The following DNAAF9 variants were observed in gnomAD, a reference collection of about 807,000 sequenced individuals.
The protein encoded by DNAAF9 is shulin.
A neutral mutation model predicts 167.0 loss-of-function variants in DNAAF9; 90 were observed. That is an observed-to-expected ratio of 0.54 (90% CI 0.45 to 0.64). DNAAF9 has a LOEUF of 0.64. Among genes scored for constraint, DNAAF9 ranks in the 30% least tolerant of loss-of-function variants. The pLI is 0.00. For missense variants in DNAAF9, 1,315 were observed against 1,442.2 expected, an observed-to-expected ratio of 0.91 and a Z score of 1.43; for synonymous variants, 491 against 508.8, an observed-to-expected ratio of 0.96 and a Z score of 0.47.
At chr20:3,312,472 G>A (rs779197668) in intron 20 of DNAAF9, among the ~76,000 whole-genome samples, 6 of 151,940 alleles carry the variant, frequency 3.9e-5, no homozygotes, top group African/African-American at 9.7e-5. Context: ...AACATCAGGC[G>A]AGTTTTCACC....
chr20:3,288,365 G>A (rs982393963), intron 26 of DNAAF9, among the ~76,000 whole-genome samples: 1 of 152,188 alleles, frequency 6.6e-6, no homozygotes, highest in Non-Finnish European at 1.5e-5. Flanking sequence ...CAGGAGAATC[G>A]CTTGACCCCG....
In DNAAF9 at chr20:3,369,973, T is replaced by TA. The variant is rs11289716; in HGVS notation, c.612+4074dup. 3.1e-3 allele frequency among the ~76,000 whole-genome samples: 460 copies of TA among 150,076 alleles called. 1 individual carries two copies. Among genetic ancestry groups the TA allele is most frequent in the African/African-American group, 9.5e-3 (390 of 41,062 alleles). On this transcript the variant is annotated intron_variant, in intron 6 of 36. Coordinates refer to ENST00000252032, the MANE Select transcript of DNAAF9 (RefSeq NM_001009984.3). The stretch of plus-strand genomic sequence containing the variant: ...GGGTCTTAATGAACTGGTCTTCTTT[T>TA]AAAAAAAAAAATTGATCTTTTTCTT...
chr20:3,276,882 A>C (rs1446513092), intron 29 of DNAAF9, among the ~76,000 whole-genome samples: 1 of 152,092 alleles, frequency 6.6e-6, no homozygotes, highest in Non-Finnish European at 1.5e-5. Context: ...CCTCAACTTC[A>C]CCTGCTTCCA....
At chr20:3,361,453 C>T (rs2083363628) in intron 6 of DNAAF9, among the ~76,000 whole-genome samples, 1 of 152,130 alleles carries the variant, frequency 6.6e-6, no homozygotes, top group Admixed American at 6.5e-5. Context: ...CTAACAAGCC[C>T]CCCAGGCTAG....
chr20:3,353,885 C>G (rs963370644), intron 7 of DNAAF9, among the ~76,000 whole-genome samples: 3 of 152,066 alleles, frequency 2.0e-5, no homozygotes, highest in African/African-American at 7.2e-5. Flanking sequence ...ACCCAAAAAA[C>G]CACCCCTGAG....
intron 1 of DNAAF9, among the ~76,000 whole-genome samples, chr20:3,405,873 T>C (rs1392961180): frequency 1.4e-4 from 21 of 152,208 alleles, no homozygotes; most frequent in Non-Finnish European, 4.4e-5. Context: ...TGTTCTAAAG[T>C]ATCCTATGCA....
intron 7 of DNAAF9, among the ~76,000 whole-genome samples, chr20:3,355,497 C>T (rs952339660): frequency 1.3e-5 from 2 of 151,966 alleles, no homozygotes; most frequent in African/African-American, 4.8e-5. Context: ...TCACTTGAAC[C>T]CAGGAGGTGG....
chr20:3,286,526 A>G (rs2236099), intron 27 of DNAAF9, among the ~76,000 whole-genome samples: 39,399 of 152,034 alleles, frequency 0.26, 5,360 homozygotes, highest in East Asian at 0.38. Context: ...TGACCAGTAG[A>G]AACAATGAAA....
At chr20:3,293,571 G>A (rs2069006124) in intron 25 of DNAAF9, among the ~76,000 whole-genome samples, 1 of 149,160 alleles carries the variant, frequency 6.7e-6, no homozygotes, top group Admixed American at 6.8e-5. Context: ...TGTAATCCCA[G>A]CTACTCAGGA....
intron 20 of DNAAF9, among the ~76,000 whole-genome samples, chr20:3,307,856 C>T (rs2069328190): frequency 6.6e-6 from 1 of 151,306 alleles, no homozygotes; most frequent in Non-Finnish European, 1.5e-5. Context: ...TCCAACAGCC[C>T]AGTCTATGTG....
At chr20:3,355,944 A>G (rs2083280658) in intron 7 of DNAAF9, among the ~76,000 whole-genome samples, 1 of 151,972 alleles carries the variant, frequency 6.6e-6, no homozygotes, top group Non-Finnish European at 1.5e-5. Flanking sequence ...TAATTTCATT[A>G]AAAGTTTGCA....
intron 30 of DNAAF9, among the ~76,000 whole-genome samples, chr20:3,265,573 T>TAAAAA (rs1204107917): frequency 1.1e-5 from 1 of 93,734 alleles, no homozygotes; most frequent in African/African-American, 4.5e-5. Context: ...AGACTCTGTC[T>TAAAAA]CAGAAAAAAA....
At chr20:3,401,748 CT>C (rs2083987365) in intron 1 of DNAAF9, among the ~76,000 whole-genome samples, 1 of 152,214 alleles carries the variant, frequency 6.6e-6, no homozygotes, top group Non-Finnish European at 1.5e-5. Flanking sequence ...TCCCAGCCCC[CT>C]GATACTTTCC....
chr20:3,340,433 TCCCCCCACC>T, intron 10 of DNAAF9, 62 bp downstream of exon 10: 1 of 221,212 alleles, frequency 4.5e-6, no homozygotes, highest in Non-Finnish European at 9.5e-6. Context: ...TTTGTCTAGC[TCCCCCCACC>T]CACCCCACCC....
At position 3,394,942 on chromosome 20, in the gene DNAAF9, CTTTTTTCTTTTTTTT is replaced by C. The variant is rs2083880584; in HGVS notation, c.84-12451_84-12437del. On this transcript the variant is annotated intron_variant, in intron 1 of 36. Transcript: ENST00000252032. ...TTCCATGGCTTTTACTGAACATTTT[CTTTTTTCTTTTTTTT>C]TTTTTTTTTTTTTTTTTTTTTTTTT... Among the ~76,000 whole-genome samples the C allele has an allele frequency of 1.4e-3, 126 of 89,054 alleles. 3 individuals are homozygous for C. The highest frequency in any genetic ancestry group is 4.4e-3 in the African/African-American group (114 of 25,714). 58.4% of individuals were successfully genotyped at this position (89,054 alleles called of 152,430 possible). A position where few individuals can be genotyped will look rare whatever the true frequency, so the allele number is the denominator to read the frequency against.
Position 3,407,538 on chromosome 20 carries a change from C to A in DNAAF9, c.20G>T (p.Arg7Leu). ...CCGAGCGCGGGGCAGCCCCTGCCGGCGCGGGGGGTACACGTCCATGGCGGC... is the reference window on the plus strand; with the variant it reads ...CCGAGCGCGGGGCAGCCCCTGCCGGAGCGGGGGGTACACGTCCATGGCGGC... MDVYPP[R>L]RQGLPRARSP... Residue 7 changes from arginine to leucine, a missense_variant, in exon 1 of 37, where the codon CGC (arginine) becomes CTC (leucine). Around this residue, in one of 2 missense-constraint regions of DNAAF9, gnomAD observed 981 missense variants for 1,012.5 expected, o/e 0.97. Transcript: ENST00000252032. The A allele has an allele frequency of 8.0e-7, 1 of 1,257,530 alleles. No homozygotes were observed. Among genetic ancestry groups the A allele is most frequent in the Non-Finnish European group, 1.0e-6 (1 of 1,004,946 alleles). The allele number at this position is 1,257,530 out of a possible 1,614,324, so 77.9% of individuals were successfully genotyped here. A position where few individuals can be genotyped will look rare whatever the true frequency, so the allele number is the denominator to read the frequency against.
intron 20 of DNAAF9, among the ~76,000 whole-genome samples, chr20:3,309,689 G>A (rs967852153): frequency 6.6e-6 from 1 of 152,038 alleles, no homozygotes; most frequent in Non-Finnish European, 1.5e-5. Context: ...TGGATTCTTT[G>A]AAAAATTATA....
intron 21 of DNAAF9, among the ~76,000 whole-genome samples, chr20:3,299,102 T>C (rs964690730): frequency 4.6e-5 from 7 of 151,362 alleles, no homozygotes; most frequent in Non-Finnish European, 8.8e-5. Context: ...AGAGACGGGG[T>C]TTCACTATGT....
At chr20:3,284,206 A>G (rs1247803085) in intron 27 of DNAAF9, among the ~76,000 whole-genome samples, 39 of 132,402 alleles carry the variant, frequency 2.9e-4, no homozygotes, top group Non-Finnish European at 7.8e-5. Context: ...TTTGAGACAG[A>G]GTCTTGCTCT....
Sources: allele counts gnomAD v4.1 joint callset (sites outside exome capture counted in the v4.1 genomes callset), GRCh38; gene constraint gnomAD v4.1.1; regional missense constraint gnomAD v4.1.1; transcripts MANE v1.5; gene names NCBI Gene and HGNC (gene_info 2026-07-23, HGNC 2026-07-21).